The following C2orf76 variants were observed in gnomAD, a reference collection of about 807,000 sequenced individuals.
The protein encoded by C2orf76 is chromosome 2 open reading frame 76.
A neutral mutation model predicts 16.9 loss-of-function variants in C2orf76; 23 were observed. The observed-to-expected ratio is 1.36, with a 90% CI of 0.98 to 1.93. The LOEUF (loss-of-function observed/expected upper bound fraction) is 1.93. C2orf76 is among the 30% of genes most tolerant of loss of function. The pLI, the probability that C2orf76 is intolerant of heterozygous loss-of-function variation, is 0.00. For missense variants in C2orf76, 152 were observed against 152.6 expected (o/e 1.00, Z 0.02); for synonymous variants, 48 against 52.3 (o/e 0.92, Z 0.35).
intron 2 of C2orf76, among the ~76,000 whole-genome samples, chr2:119,333,625 G>A (rs1679744980): frequency 6.6e-6 from 1 of 152,226 alleles, no homozygotes; most frequent in Admixed American, 6.5e-5. Context: ...CTCTGTCTCT[G>A]CGACAGTCTG....
At chr2:119,337,232 T>G (rs1259357182) in intron 2 of C2orf76, among the ~76,000 whole-genome samples, 1 of 100,398 alleles carries the variant, frequency 1.0e-5, no homozygotes. Context: ...TTTTTTGGGG[T>G]TTTGTTTTGT....
downstream of C2orf76, among the ~76,000 whole-genome samples, chr2:119,298,261 T>A (rs1409469757): frequency 6.6e-6 from 1 of 152,266 alleles, no homozygotes; most frequent in Non-Finnish European, 1.5e-5. Context: ...CATGTTTAGT[T>A]ATTTAACCCA....
intron 1 of C2orf76, among the ~76,000 whole-genome samples, chr2:119,360,954 G>C (rs1173649786): frequency 6.6e-6 from 1 of 152,176 alleles, no homozygotes; most frequent in East Asian, 1.9e-4. Context: ...AGAGAAGAAA[G>C]TTGTGGTTGC....
chr2:119,340,040 C>T (rs1679977114), intron 1 of C2orf76, 69 bp from the exon 2 acceptor site: 3 of 1,519,974 alleles, frequency 2.0e-6, no homozygotes, highest in Middle Eastern at 1.7e-4. Context: ...ACCTAGCCTG[C>T]ATCTCTATCA....
chr2:119,347,483 T>C (rs910914401), intron 1 of C2orf76, among the ~76,000 whole-genome samples: 4 of 152,188 alleles, frequency 2.6e-5, no homozygotes, highest in Non-Finnish European at 5.9e-5. Context: ...GTCCTTATCT[T>C]AAAAGACTGA....
In C2orf76 at chr2:119,360,454, G is replaced by A. The variant is rs573173611; in HGVS notation, c.-13+6336C>T. Reference sequence around the variant, plus strand: ...ACTGCACCATTGCACTCCAGCCTGGGCAACGAGAGCAAAACTCTGTCTCAA... The same window carrying A: ...ACTGCACCATTGCACTCCAGCCTGGACAACGAGAGCAAAACTCTGTCTCAA... On this transcript the variant is annotated intron_variant, in intron 1 of 5. Coordinates refer to ENST00000334816, the MANE Select transcript of C2orf76 (RefSeq NM_001322331.2). Among the ~76,000 whole-genome samples, 4 of 131,946 alleles carry A rather than the reference G, an allele frequency of 3.0e-5. No homozygotes were observed. The East Asian group carries it at 8.8e-4, about 29-fold the overall frequency. 86.6% of individuals were successfully genotyped at this position (131,946 alleles called of 152,430 possible). A position where few individuals can be genotyped will look rare whatever the true frequency, so the allele number is the denominator to read the frequency against.
intron 5 of C2orf76, among the ~76,000 whole-genome samples, chr2:119,307,999 T>C (rs1484011042): frequency 1.3e-5 from 2 of 152,150 alleles, no homozygotes; most frequent in East Asian, 3.9e-4. Flanking sequence ...CCTTCTAGAA[T>C]AGGTTTCATT....
At chr2:119,326,995 C>G (rs779135448) in intron 2 of C2orf76, among the ~76,000 whole-genome samples, 1 of 152,150 alleles carries the variant, frequency 6.6e-6, no homozygotes, top group Non-Finnish European at 1.5e-5. Context: ...ATCATATTGC[C>G]TGTGAATAAT....
intron 1 of C2orf76, among the ~76,000 whole-genome samples, chr2:119,363,414 A>T (rs1312495579): frequency 7.1e-6 from 1 of 140,898 alleles, no homozygotes; most frequent in Non-Finnish European, 1.5e-5. Context: ...ACAGAGCAAG[A>T]CTCTGTCTCA....
intron 3 of C2orf76, among the ~76,000 whole-genome samples, chr2:119,318,216 T>G (rs868353845): frequency 1.3e-5 from 2 of 152,234 alleles, no homozygotes; most frequent in African/African-American, 4.8e-5. Flanking sequence ...AATTACATAA[T>G]CTACACAGCC....
chr2:119,343,475 TACACACACACAC>T (rs59651595), intron 1 of C2orf76, among the ~76,000 whole-genome samples: 9 of 145,966 alleles, frequency 6.2e-5, no homozygotes, highest in South Asian at 4.5e-4. Context: ...CACCTATACC[TACACACACACAC>T]ACACACACAC....
chr2:119,335,116 A>C (rs957858605), intron 2 of C2orf76, among the ~76,000 whole-genome samples: 1 of 152,224 alleles, frequency 6.6e-6, no homozygotes, highest in Non-Finnish European at 1.5e-5. Flanking sequence ...ACTCACGTTT[A>C]ATGTATTTGT....
At chr2:119,337,055 A>G (rs867820045) in intron 2 of C2orf76, among the ~76,000 whole-genome samples, 3 of 101,746 alleles carry the variant, frequency 2.9e-5, no homozygotes. Context: ...TTATTTATTT[A>G]TTTATTTATT....
At chr2:119,360,365 T>C (rs1399547018) in intron 1 of C2orf76, among the ~76,000 whole-genome samples, 1 of 149,874 alleles carries the variant, frequency 6.7e-6, no homozygotes, top group Non-Finnish European at 1.5e-5. Context: ...CAATCCCAGC[T>C]ATTCAGGAGG....
At chr2:119,352,510 G>A (rs1415885403) in intron 1 of C2orf76, among the ~76,000 whole-genome samples, 1 of 152,144 alleles carries the variant, frequency 6.6e-6, no homozygotes, top group Non-Finnish European at 1.5e-5. Flanking sequence ...CAAACTTTCA[G>A]CCAATACAGG....
At chr2:119,289,470 G>A in the C2orf76 span, among the ~76,000 whole-genome samples, 19 of 151,980 alleles carry the variant, frequency 1.3e-4, no homozygotes, top group African/African-American at 4.6e-4. Context: ...GGCAGATCAG[G>A]AGGTCAAGTG....
intron 2 of C2orf76, among the ~76,000 whole-genome samples, chr2:119,321,853 C>CATATATATATATAT (rs34104959): frequency 6.7e-6 from 1 of 149,190 alleles, no homozygotes; most frequent in Non-Finnish European, 1.5e-5. Context: ...TTGTGTGAGA[C>CATATATATATATAT]ATATATATAT....
chr2:119,304,944 T>C (rs1678729202), intron 5 of C2orf76, among the ~76,000 whole-genome samples: 2 of 152,182 alleles, frequency 1.3e-5, no homozygotes, highest in Non-Finnish European at 2.9e-5. Flanking sequence ...CCAAATACTA[T>C]TTAAAATGGC....
intron 1 of C2orf76, among the ~76,000 whole-genome samples, chr2:119,342,638 A>C (rs1158154678): frequency 6.6e-6 from 1 of 152,038 alleles, no homozygotes; most frequent in East Asian, 1.9e-4. Context: ...AAAAAAAAAG[A>C]AAGGAGACAA....
Sources: allele counts gnomAD v4.1 joint callset (sites outside exome capture counted in the v4.1 genomes callset), GRCh38; gene constraint gnomAD v4.1.1; transcripts MANE v1.5; gene names NCBI Gene and HGNC (gene_info 2026-07-23, HGNC 2026-07-21).